The following REEP1 variants were observed in gnomAD, a reference collection of about 807,000 sequenced individuals.
The protein encoded by REEP1 is receptor expression-enhancing protein 1.
REEP1 carries 22 observed loss-of-function variants against 40.3 expected under a neutral mutation model. The observed-to-expected ratio is 0.55, with a 90% CI of 0.39 to 0.78. The LOEUF (loss-of-function observed/expected upper bound fraction) is 0.78. Among genes scored for constraint, REEP1 ranks in the 30% least tolerant of loss-of-function variants. REEP1 has a pLI of 0.00. For missense variants in REEP1, 280 were observed against 361.1 expected, an observed-to-expected ratio of 0.78 and a Z score of 1.82; for synonymous variants, 116 against 139.2, an observed-to-expected ratio of 0.83 and a Z score of 1.17.
At chr2:86,242,797 G>GC (rs1262629709) in intron 5 of REEP1, among the ~76,000 whole-genome samples, 1 of 152,136 alleles carries the variant, frequency 6.6e-6, no homozygotes, top group Non-Finnish European at 1.5e-5. Context: ...GGTAGCTACT[G>GC]CAAGAGTCCA....
chr2:86,223,391 C>T (rs1674525343), intron 7 of REEP1: 1 of 152,428 alleles, frequency 6.6e-6, no homozygotes, highest in Non-Finnish European at 1.5e-5. Context: ...GAACCTCCCC[C>T]AGGTTAGCAA....
At chr2:86,270,464 G>C (rs2104339767) in intron 2 of REEP1, among the ~76,000 whole-genome samples, 1 of 152,132 alleles carries the variant, frequency 6.6e-6, no homozygotes, top group South Asian at 2.1e-4. Context: ...CAAAGTGCTG[G>C]GATTACAGGT....
chr2:86,226,400 T>G (rs1435218535), intron 7 of REEP1, among the ~76,000 whole-genome samples: 6 of 65,872 alleles, frequency 9.1e-5, no homozygotes, highest in Non-Finnish European at 3.2e-4. Flanking sequence ...AGGACCTTAG[T>G]CCTCTGAAGT....
chr2:86,262,979 G>A (rs1343403886), intron 3 of REEP1, among the ~76,000 whole-genome samples: 1 of 152,120 alleles, frequency 6.6e-6, no homozygotes, highest in Non-Finnish European at 1.5e-5. Flanking sequence ...TTGCTGATAA[G>A]AGAAAAATAT....
At chr2:86,287,928 A>T (rs1678480520) in intron 1 of REEP1, among the ~76,000 whole-genome samples, 1 of 152,224 alleles carries the variant, frequency 6.6e-6, no homozygotes, top group Non-Finnish European at 1.5e-5. Context: ...GATGTATTCC[A>T]CTGTGATATG....
intron 1 of REEP1, among the ~76,000 whole-genome samples, chr2:86,286,965 T>C (rs1193666294): frequency 6.6e-6 from 1 of 152,226 alleles, no homozygotes; most frequent in Non-Finnish European, 1.5e-5. Flanking sequence ...CAGCTCTTTA[T>C]ACCATTAAAA....
At chr2:86,281,488 C>T (rs1252957393) in intron 2 of REEP1, among the ~76,000 whole-genome samples, 1 of 152,066 alleles carries the variant, frequency 6.6e-6, no homozygotes, top group African/African-American at 2.4e-5. Context: ...ATTAGCTGGG[C>T]GTGGTGGCAC....
At chr2:86,328,385 G>T (rs1388478905) in intron 1 of REEP1, among the ~76,000 whole-genome samples, 44 of 152,140 alleles carry the variant, frequency 2.9e-4, no homozygotes, top group Admixed American at 2.9e-3. Flanking sequence ...GCCAATCTGT[G>T]AAAGTAAGAA....
chr2:86,224,470 T>G (rs1573991731), intron 7 of REEP1, among the ~76,000 whole-genome samples: 1 of 152,220 alleles, frequency 6.6e-6, no homozygotes, highest in African/African-American at 2.4e-5. Flanking sequence ...GACTGAGGCC[T>G]GCAGAGTGCA....
At chr2:86,248,650 A>G (rs531986115) in intron 5 of REEP1, among the ~76,000 whole-genome samples, 1 of 152,072 alleles carries the variant, frequency 6.6e-6, no homozygotes, top group East Asian at 1.9e-4. Flanking sequence ...GGGTCTCACT[A>G]TGTTACCCAA....
At chr2:86,237,493 T>C (rs1314103803) in intron 5 of REEP1, among the ~76,000 whole-genome samples, 1 of 152,158 alleles carries the variant, frequency 6.6e-6, no homozygotes, top group Non-Finnish European at 1.5e-5. Context: ...TTCCTTTTTA[T>C]TTTCTTTCTC....
intron 6 of REEP1, among the ~76,000 whole-genome samples, chr2:86,231,437 T>G (rs1291243670): frequency 3.3e-5 from 5 of 152,172 alleles, no homozygotes; most frequent in African/African-American, 9.6e-5. Context: ...GAGCTGCACT[T>G]GGCTCTGAGC....
intron 7 of REEP1, among the ~76,000 whole-genome samples, chr2:86,226,105 C>CCACCACCACCACCACCACCACCATCAT (rs1674677277): frequency 1.4e-5 from 2 of 147,476 alleles, no homozygotes; most frequent in Non-Finnish European, 3.0e-5. Context: ...ACCACCACCA[C>CCACCACCACCACCACCACCACCATCAT]CACCACCACC....
Position 86,232,755 on chromosome 2 carries a change from G to C in REEP1, c.465C>G (p.Asp155Glu). 1 of 1,606,296 alleles carries C rather than the reference G, an allele frequency of 6.2e-7. No individual in the cohort carries two copies. The highest frequency in any genetic ancestry group is 2.2e-5 in the East Asian group (1 of 44,872). ...CGCCGTCTCCCCTGATGGTGGTGAG[G>C]TCCTGCATGCTGAAGCTCCGCAGTC... ...SERLRSFSMQ[D>E]LTTIRGDGAP... The change falls in exon 6 of 9, where the codon GAC becomes GAG. Residue 155 changes from aspartate (D) to glutamate (E), a missense_variant. By Grantham distance (45) the Asp-to-Glu change is conservative. Transcript: ENST00000538924.
chr2:86,248,218 C>G (rs1676074591), intron 5 of REEP1, among the ~76,000 whole-genome samples: 1 of 152,078 alleles, frequency 6.6e-6, no homozygotes, highest in Admixed American at 6.5e-5. Flanking sequence ...AGGAATGATC[C>G]TAAGGAAGAG....
intron 3 of REEP1, among the ~76,000 whole-genome samples, chr2:86,260,686 C>T (rs372649311): frequency 5.5e-4 from 84 of 152,286 alleles, no homozygotes; most frequent in African/African-American, 2.0e-3. Flanking sequence ...GTCAAGAAAA[C>T]GGAGACCTCA....
chr2:86,274,943 C>CTT (rs1269748995), intron 2 of REEP1, among the ~76,000 whole-genome samples: 13 of 152,286 alleles, frequency 8.5e-5, no homozygotes, highest in African/African-American at 2.6e-4. Flanking sequence ...GTCCATTCTA[C>CTT]CCCACTGCCA....
chr2:86,279,132 T>C lies in REEP1; in HGVS notation c.105+3038A>G, dbSNP rs1677920397. ...GGAATGTGTGTCAAAAACTCCTTCA[T>C]GATAACCGTTTCTGTGCCTTCCACA... On this transcript the variant is annotated intron_variant, in intron 2 of 8. Coordinates refer to ENST00000538924, the MANE Select transcript of REEP1 (RefSeq NM_001371279.1). Among the ~76,000 whole-genome samples the C allele has an allele frequency of 2.0e-5, 3 of 152,160 alleles. 1 individual carries two copies. Among genetic ancestry groups the C allele is most frequent in the African/African-American group, 7.2e-5 (3 of 41,428 alleles).
At chr2:86,269,944 C>T (rs1448188791) in intron 2 of REEP1, among the ~76,000 whole-genome samples, 1 of 151,846 alleles carries the variant, frequency 6.6e-6, no homozygotes, top group Non-Finnish European at 1.5e-5. Context: ...TGATACAGGA[C>T]TTGTATTCAA....
Sources: gnomAD v4.1 joint callset for allele counts (sites outside exome capture counted in the v4.1 genomes callset) on GRCh38, gnomAD v4.1.1 for gene constraint, MANE v1.5 for transcripts, NCBI Gene and HGNC (gene_info 2026-07-23, HGNC 2026-07-21) for gene names.